SCN9A: variants seen among roughly 807,000 people sequenced by gnomAD.
SCN9A encodes the protein sodium channel protein type 9 subunit alpha.
Under a neutral mutation model 187.0 loss-of-function variants are expected in SCN9A, and 131 were observed. That is an observed-to-expected ratio of 0.70 (90% CI 0.61 to 0.81). The LOEUF (loss-of-function observed/expected upper bound fraction) is 0.81. SCN9A is among the 30% of genes least tolerant of loss of function. The probability of loss-of-function intolerance (pLI) is 0.00; values close to 1 mark genes in which losing one functional copy is unlikely to be tolerated. For missense variants in SCN9A, 2,252 were observed against 2,396.6 expected (o/e 0.94, Z 1.26); for synonymous variants, 809 against 808.6 (o/e 1.00, Z -0.01).
chr2:166,204,139 T>A lies in SCN9A; in HGVS notation c.4590A>T (p.Val1530=). 6.2e-7 allele frequency: 1 copy of A among 1,612,086 alleles called. No homozygotes were observed. Among genetic ancestry groups the A allele is most frequent in the Non-Finnish European group, 8.5e-7 (1 of 1,178,464 alleles). Residue 1530 remains valine (V), a synonymous_variant, in exon 26 of 27, where the codon GTA becomes GTT. Transcript: ENST00000642356. ...GACCCTCCTTTTCTACCATCATGGTTACCATGTTGAGACAGATAAGAACCA... is the reference window on the plus strand; with the variant it reads ...GACCCTCCTTTTCTACCATCATGGTAACCATGTTGAGACAGATAAGAACCA... ...SIMVLICLNM[V]TMMVEKEGQS... is the part of the protein sequence containing the mutation.
At position 166,251,779 on chromosome 2, in the gene SCN9A, G is replaced by A; in HGVS notation, c.3458C>T (p.Ala1153Val). 2 of 1,612,568 alleles carry A rather than the reference G, an allele frequency of 1.2e-6. No individual in the cohort carries two copies. Among genetic ancestry groups the A allele is most frequent in the Non-Finnish European group, 1.7e-6 (2 of 1,179,022 alleles). ...TTTTGTCTTACCATCTGTGAAACAGGCCTCTGGCTCATCGGAATTCATAGG... is the reference window on the plus strand; with the variant it reads ...TTTTGTCTTACCATCTGTGAAACAGACCTCTGGCTCATCGGAATTCATAGG... ...AEPMNSDEPE[A>V]CFTDGCVWRF... Residue 1153 changes from alanine to valine, a missense_variant, in exon 18 of 27, where the codon GCC (alanine) becomes GTC (valine). Physicochemically the swap from Ala to Val is moderately conservative, Grantham distance 64. Transcript: ENST00000642356.
intron 7 of SCN9A, among the ~76,000 whole-genome samples, chr2:166,297,638 G>A (rs1574891431): frequency 1.3e-5 from 2 of 151,584 alleles, no homozygotes; most frequent in African/African-American, 2.4e-5. Context: ...GACTACTAAC[G>A]GGCCCTGGGT....
Position 166,357,751 on chromosome 2 carries a change from G to T in SCN9A, c.-51+17946C>A, listed in dbSNP as rs961425499. Among the ~76,000 whole-genome samples the T allele has an allele frequency of 2.0e-5, 3 of 152,182 alleles. No individual in the cohort carries two copies. The East Asian group carries it at 5.8e-4, about 29-fold the overall frequency. ...CACTAGTCAAGAAGTTAGCTTGTGC[G>T]CCATACTTGCACTTCTCCATTCTTT... On this transcript the variant is annotated intron_variant, in intron 1 of 26. Transcript: ENST00000642356.
At chr2:166,344,950 TTTCTCGAGGAA>T in intron 1 of SCN9A, among the ~76,000 whole-genome samples, 1 of 152,314 alleles carries the variant, frequency 6.6e-6, no homozygotes, top group Non-Finnish European at 1.5e-5. Flanking sequence ...CCAGAAGCTT[TTTCTCGAGGAA>T]CTAAATGGAA....
intron 1 of SCN9A, among the ~76,000 whole-genome samples, chr2:166,372,421 GA>G (rs1344362674): frequency 3.6e-4 from 55 of 152,242 alleles, no homozygotes; most frequent in African/African-American, 1.3e-3. Context: ...CATAGTCAGT[GA>G]CTATTGACTG....
chr2:166,340,578 C>T (rs1574943802), intron 1 of SCN9A, among the ~76,000 whole-genome samples: 2 of 69,960 alleles, frequency 2.9e-5, no homozygotes, highest in Admixed American at 1.4e-4. Context: ...TTCTTTCTTT[C>T]TTTCTTTCTT....
intron 1 of SCN9A, among the ~76,000 whole-genome samples, chr2:166,360,573 T>C (rs1170822611): frequency 6.6e-6 from 1 of 152,224 alleles, no homozygotes; most frequent in Non-Finnish European, 1.5e-5. Context: ...ATCAACATGA[T>C]TTAGGAGAAA....
At chr2:166,281,629 A>T in intron 13 of SCN9A, 50 bp downstream of exon 13, 1 of 1,549,152 alleles carries the variant, frequency 6.5e-7, no homozygotes, top group African/African-American at 1.4e-5. Context: ...GACCAGATTT[A>T]TGTTAATTTT....
chr2:166,238,555 A>G (rs148998276), intron 19 of SCN9A, among the ~76,000 whole-genome samples: 2 of 152,296 alleles, frequency 1.3e-5, no homozygotes, highest in African/African-American at 4.8e-5. Flanking sequence ...TTCCACCTCC[A>G]TCTGATTCCT....
intron 18 of SCN9A, among the ~76,000 whole-genome samples, chr2:166,245,805 A>G (rs966698747): frequency 7.2e-5 from 11 of 152,020 alleles, no homozygotes; most frequent in African/African-American, 2.7e-4. Flanking sequence ...TTCATTAACA[A>G]GTATTGAGTT....
chr2:166,207,915 G>C (rs1693893508), intron 24 of SCN9A, among the ~76,000 whole-genome samples: 1 of 152,152 alleles, frequency 6.6e-6, no homozygotes, highest in Non-Finnish European at 1.5e-5. Flanking sequence ...AGCATGCCAA[G>C]AACTTGACAG....
chr2:166,299,580 C>T lies in SCN9A; in HGVS notation c.901+3510G>A, dbSNP rs551211202. Among the ~76,000 whole-genome samples, 9 of 150,724 alleles carry T rather than the reference C, an allele frequency of 6.0e-5. No homozygotes were observed. In the South Asian group the frequency reaches 1.9e-3, roughly 31 times the overall value. On this transcript the variant is annotated intron_variant, in intron 7 of 26. Coordinates refer to ENST00000642356, the MANE Select transcript of SCN9A (RefSeq NM_001365536.1). ...GTTCTTTTCTGGGTCCTCTTTTCTA[C>T]CTGAATTCTAAATGTCAGAGTTGTA...
chr2:166,342,621 T>C (rs921334603), intron 1 of SCN9A, among the ~76,000 whole-genome samples: 3 of 152,096 alleles, frequency 2.0e-5, no homozygotes, highest in Admixed American at 6.6e-5. Context: ...ATACCAATAA[T>C]AATAAAAGAT....
At position 166,357,864 on chromosome 2, in the gene SCN9A, CT is replaced by C. The variant is rs200213811; in HGVS notation, c.-51+17832del. On this transcript the variant is annotated intron_variant, in intron 1 of 26. Transcript: ENST00000642356. ...AATACCAAACAGGGAAAGATGCCAC[CT>C]TTTGAAACTACCAAGGAGGTTATTG... 4.6e-3 allele frequency among the ~76,000 whole-genome samples: 695 copies of C among 152,152 alleles called. 4 individuals are homozygous for C. Among genetic ancestry groups the C allele is most frequent in the African/African-American group, 0.015 (627 of 41,518 alleles).
At chr2:166,285,061 C>G (rs1190067149) in intron 11 of SCN9A, among the ~76,000 whole-genome samples, 2 of 152,168 alleles carry the variant, frequency 1.3e-5, no homozygotes, top group Non-Finnish European at 2.9e-5. Flanking sequence ...CTATACAGCT[C>G]TCTAATATTC....
At chr2:166,286,720 G>T in intron 10 of SCN9A, 97 bp from the exon 11 acceptor site, 1 of 876,162 alleles carries the variant, frequency 1.1e-6, no homozygotes, top group Non-Finnish European at 1.6e-6. Context: ...TAACAACATG[G>T]TGCATATAAT....
chr2:166,319,342 G>C (rs1457429125), intron 1 of SCN9A, among the ~76,000 whole-genome samples: 1 of 131,502 alleles, frequency 7.6e-6, no homozygotes, highest in Non-Finnish European at 1.7e-5. Flanking sequence ...TTTGGATTAA[G>C]GTAGAGCAAA....
At position 166,375,829 on chromosome 2, in the gene SCN9A, G is replaced by C. The variant is rs558364672; in HGVS notation, c.-183C>G. ...TTTCTCTGGGCTCCTGTTGCTCAGG[G>C]GACGCCTGCCGCTAGCAGCCACTGG... On this transcript the variant is annotated 5_prime_UTR_variant, in exon 1 of 27. Transcript: ENST00000642356. 64 of 152,348 alleles carry C rather than the reference G, an allele frequency of 4.2e-4. No homozygotes were observed. The highest frequency in any genetic ancestry group is 1.5e-3 in the African/African-American group (62 of 41,564). The allele number at this position is 152,348 out of a possible 1,614,324, so 9.4% of individuals were successfully genotyped here. A position where few individuals can be genotyped will look rare whatever the true frequency, so the allele number is the denominator to read the frequency against.
At chr2:166,312,497 TTAA>T (rs542991566) in intron 1 of SCN9A, among the ~76,000 whole-genome samples, 1 of 152,196 alleles carries the variant, frequency 6.6e-6, no homozygotes, top group South Asian at 2.1e-4. Context: ...CAATTTCCTA[TTAA>T]TGTTTGTATA....
Sources: allele counts gnomAD v4.1 joint callset (sites outside exome capture counted in the v4.1 genomes callset), GRCh38; gene constraint gnomAD v4.1.1; transcripts MANE v1.5; gene names NCBI Gene and HGNC (gene_info 2026-07-23, HGNC 2026-07-21).